Variants in ARHGEF7 observed in about 807,000 individuals in gnomAD.
The protein encoded by ARHGEF7 is Rho guanine nucleotide exchange factor 7, also known as PAK-interacting exchange factor beta.
Under a neutral mutation model 109.8 loss-of-function variants are expected in ARHGEF7, and 33 were observed. That is an observed-to-expected ratio of 0.30 (90% CI 0.23 to 0.40). The LOEUF (loss-of-function observed/expected upper bound fraction) is 0.40. Among genes scored for constraint, ARHGEF7 ranks in the 10% least tolerant of loss-of-function variants. ARHGEF7 has a pLI of 1.00. For missense variants in ARHGEF7, 938 were observed against 1,098.5 expected (o/e 0.85, Z 2.07); for synonymous variants, 458 against 424.6 (o/e 1.08, Z -0.97).
intron 2 of ARHGEF7, among the ~76,000 whole-genome samples, chr13:111,174,649 G>A (rs1273130026): frequency 1.3e-5 from 2 of 152,216 alleles, no homozygotes; most frequent in Non-Finnish European, 2.9e-5. Context: ...CTTAGTTAAA[G>A]TAGACATCTG....
chr13:111,260,248 A>C (rs1027183117), intron 8 of ARHGEF7, among the ~76,000 whole-genome samples: 1 of 152,268 alleles, frequency 6.6e-6, no homozygotes, highest in Non-Finnish European at 1.5e-5. Context: ...TCAATATTCA[A>C]GTACAAGAAG....
At chr13:111,176,648 G>A (rs904431482) in intron 2 of ARHGEF7, among the ~76,000 whole-genome samples, 3 of 152,218 alleles carry the variant, frequency 2.0e-5, no homozygotes, top group Non-Finnish European at 2.9e-5. Flanking sequence ...TGGGACCCCC[G>A]CGTGCGGACG....
At chr13:111,204,860 C>T (rs2081595490) in intron 2 of ARHGEF7, among the ~76,000 whole-genome samples, 2 of 152,222 alleles carry the variant, frequency 1.3e-5, no homozygotes, top group African/African-American at 4.8e-5. Flanking sequence ...GCTTTGGAAT[C>T]GACTGTCATT....
At position 111,272,439 on chromosome 13, in the gene ARHGEF7, T is replaced by G. The variant is rs998694121; in HGVS notation, c.1074-1375T>G. The stretch of plus-strand genomic sequence containing the variant: ...AGACCAGAACCGGAAATTGGCTTGT[T>G]TCTCAGTTTTGCTGTTAGGATTTTC... On this transcript the variant is annotated intron_variant, in intron 9 of 21. Coordinates refer to ENST00000646102, the MANE Select transcript of ARHGEF7 (RefSeq NM_001354046.2). This position sits in a 1 kb window ranked among gnomAD's most constrained non-coding sequence, Gnocchi z 5.2. 1.3e-5 allele frequency among the ~76,000 whole-genome samples: 2 copies of G among 152,220 alleles called. No individual in the cohort carries two copies. The highest frequency in any genetic ancestry group is 1.5e-5 in the Non-Finnish European group (1 of 68,048).
At chr13:111,129,452 T>C (rs1027511044) in intron 1 of ARHGEF7, among the ~76,000 whole-genome samples, 1 of 152,172 alleles carries the variant, frequency 6.6e-6, no homozygotes, top group Non-Finnish European at 1.5e-5. Context: ...AGTCTATATA[T>C]TGGAAGAAAA....
At chr13:111,278,261 A>AATCTTGTCTGTCTGTCT (rs2092599778) in intron 13 of ARHGEF7, among the ~76,000 whole-genome samples, 1 of 152,140 alleles carries the variant, frequency 6.6e-6, no homozygotes, top group South Asian at 2.1e-4. Context: ...GTGGTATATG[A>AATCTTGTCTGTCTGTCT]AGGAGCTGGT....
At chr13:111,256,470 C>T (rs1490867232) in intron 8 of ARHGEF7, among the ~76,000 whole-genome samples, 6 of 152,194 alleles carry the variant, frequency 3.9e-5, no homozygotes, top group Non-Finnish European at 1.5e-5. Flanking sequence ...CCTGGTCTTT[C>T]AGTGTCACAA....
At chr13:111,204,116 G>A (rs936946775) in intron 2 of ARHGEF7, among the ~76,000 whole-genome samples, 1 of 152,174 alleles carries the variant, frequency 6.6e-6, no homozygotes, top group Non-Finnish European at 1.5e-5. Flanking sequence ...GTCAAGGCAG[G>A]GCTGTGTCAG....
At chr13:111,244,035 A>C in intron 7 of ARHGEF7, 69 bp downstream of exon 7, 1 of 1,386,732 alleles carries the variant, frequency 7.2e-7, no homozygotes, top group Non-Finnish European at 1.0e-6. Context: ...TTCTATTTTC[A>C]GAGAATAGAG....
intron 8 of ARHGEF7, among the ~76,000 whole-genome samples, chr13:111,265,124 CAAAAAAAAAAAAAA>C (rs976877106): frequency 1.4e-5 from 1 of 69,464 alleles, no homozygotes; most frequent in Non-Finnish European, 2.7e-5. Flanking sequence ...AACTCCATCT[CAAAAAAAAAAAAAA>C]AAAAAAAAAG....
chr13:111,199,200 C>T (rs1489148319), intron 2 of ARHGEF7, among the ~76,000 whole-genome samples: 2 of 152,158 alleles, frequency 1.3e-5, no homozygotes, highest in African/African-American at 2.4e-5. Flanking sequence ...GATGTAGACT[C>T]CTCCTCGAAG....
chr13:111,226,484 C>T (rs969036495), intron 5 of ARHGEF7, among the ~76,000 whole-genome samples: 2 of 152,198 alleles, frequency 1.3e-5, no homozygotes, highest in Admixed American at 6.5e-5. Flanking sequence ...TATGCTTAAC[C>T]AACTTTGCCT....
intron 2 of ARHGEF7, among the ~76,000 whole-genome samples, chr13:111,199,288 A>AT (rs2153457605): frequency 6.6e-6 from 1 of 152,358 alleles, no homozygotes; most frequent in South Asian, 2.1e-4. Context: ...AAGTTGGAAC[A>AT]TAGTGTACTG....
intron 15 of ARHGEF7, 91 bp downstream of exon 15, chr13:111,280,768 A>C: frequency 7.4e-7 from 1 of 1,357,796 alleles, no homozygotes; most frequent in Non-Finnish European, 9.9e-7. Context: ...TTTAAAACCT[A>C]ATCAATATTT....
chr13:111,120,504 GACACGCACAC>G (rs2067125544), intron 1 of ARHGEF7, among the ~76,000 whole-genome samples: 1 of 151,932 alleles, frequency 6.6e-6, no homozygotes, highest in Non-Finnish European at 1.5e-5. Flanking sequence ...CGTGTACATA[GACACGCACAC>G]ACGCACACAC....
chr13:111,159,491 C>T (rs1382144283), intron 2 of ARHGEF7, among the ~76,000 whole-genome samples: 1 of 152,220 alleles, frequency 6.6e-6, no homozygotes, highest in Non-Finnish European at 1.5e-5. Flanking sequence ...CAGGAATTTA[C>T]ATTCCCACCA....
At chr13:111,188,170 C>A (rs1272658018) in intron 2 of ARHGEF7, among the ~76,000 whole-genome samples, 1 of 152,154 alleles carries the variant, frequency 6.6e-6, no homozygotes, top group Non-Finnish European at 1.5e-5. Context: ...GGAACTGAGG[C>A]CTCCTGCTCA....
chr13:111,188,606 T>C (rs2079522115), intron 2 of ARHGEF7, among the ~76,000 whole-genome samples: 1 of 151,954 alleles, frequency 6.6e-6, no homozygotes, highest in Admixed American at 6.5e-5. Flanking sequence ...TGGAGATTTC[T>C]GTAAAACAGC....
Position 111,198,102 on chromosome 13 carries a change from C to T in ARHGEF7, c.253-7187C>T, listed in dbSNP as rs2080769134. 2.0e-5 allele frequency among the ~76,000 whole-genome samples: 3 copies of T among 152,018 alleles called. No homozygotes were observed. In the South Asian group the frequency reaches 6.2e-4, roughly 32 times the overall value. On this transcript the variant is annotated intron_variant, in intron 2 of 21. Coordinates refer to ENST00000646102, the MANE Select transcript of ARHGEF7 (RefSeq NM_001354046.2). Reference sequence around the variant, plus strand: ...AGTACAGGAGAAGTGGAAGCTGGTACCAGGCAAACCACCGCTCCCAACTCT... The same window carrying T: ...AGTACAGGAGAAGTGGAAGCTGGTATCAGGCAAACCACCGCTCCCAACTCT...
Sources: allele counts gnomAD v4.1 joint callset (sites outside exome capture counted in the v4.1 genomes callset), GRCh38; gene constraint gnomAD v4.1.1; non-coding constraint Gnocchi (gnomAD v3.1); transcripts MANE v1.5; gene names NCBI Gene and HGNC (gene_info 2026-07-23, HGNC 2026-07-21).